Variants in RP1 observed in about 807,000 individuals in gnomAD.
RP1 encodes RP1 axonemal microtubule associated.
A neutral mutation model predicts 14.8 loss-of-function variants in RP1; 16 were observed. The ratio of observed to expected loss-of-function variants is 1.08; its 90% CI spans 0.73 to 1.65. The LOEUF (loss-of-function observed/expected upper bound fraction) is 1.65. Among genes scored for constraint, RP1 ranks in the 40% most tolerant of loss-of-function variants. The pLI, the probability that RP1 is intolerant of heterozygous loss-of-function variation, is 0.00. For missense variants in RP1, 2,631 were observed against 2,535.0 expected, an observed-to-expected ratio of 1.04 and a Z score of -0.81; for synonymous variants, 876 against 883.6, an observed-to-expected ratio of 0.99 and a Z score of 0.15.
intron 6 of RP1, among the ~76,000 whole-genome samples, chr8:54,661,484 AAAAAG>A (rs1055133578): frequency 1.3e-5 from 2 of 151,844 alleles, no homozygotes; most frequent in Non-Finnish European, 2.9e-5. Context: ...GTATTAAAAA[AAAAAG>A]AAATCTTTAG....
rs967963472 is a variant in RP1 at position 54,739,294 on chromosome 8, A to G, written c.2808+265A>G. ...TTATGATGGCGTGAAAGCGACATCT[A>G]TTCAATAAAAGCTGTAACCCATCAT... On this transcript the variant is annotated intron_variant, in intron 19 of 22. Coordinates refer to the RP1 transcript ENST00000636932. Among the ~76,000 whole-genome samples the G allele has an allele frequency of 2.0e-5, 3 of 152,172 alleles. No individual in the cohort carries two copies. The East Asian group carries it at 5.8e-4, about 29-fold the overall frequency.
At chr8:54,844,595 T>C (rs1247095986) in intron 25 of RP1, among the ~76,000 whole-genome samples, 1 of 152,144 alleles carries the variant, frequency 6.6e-6, no homozygotes, top group Non-Finnish European at 1.5e-5. Context: ...TGCCTCTGTG[T>C]GTGCGTATGT....
At position 54,621,266 on chromosome 8, in the gene RP1, C is replaced by T. The variant is rs1411740280; in HGVS notation, c.300C>T (p.Asp100=). 4.3e-6 allele frequency: 7 copies of T among 1,613,944 alleles called. No individual in the cohort carries two copies. Among genetic ancestry groups the T allele is most frequent in the Non-Finnish European group, 5.9e-6 (7 of 1,180,038 alleles). The change falls in exon 2 of 4, where the codon GAC becomes GAT. Residue 100 remains aspartate (D), a synonymous_variant. Coordinates refer to ENST00000220676, the MANE Select transcript of RP1 (RefSeq NM_006269.2). The part of the protein sequence containing the change: ...HSITRLEELE[D]GESYLCSHGR... ...TCACGCGCCTGGAGGAGCTGGAGGA[C>T]GGCGAGTCCTACCTATGTTCCCACG...
At chr8:54,792,525 G>A (rs1465865032) in intron 24 of RP1, among the ~76,000 whole-genome samples, 1 of 151,754 alleles carries the variant, frequency 6.6e-6, no homozygotes, top group Non-Finnish European at 1.5e-5. Flanking sequence ...CACTACAATA[G>A]TATGAAACTC....
chr8:54,762,967 C>T (rs891994094), intron 22 of RP1, among the ~76,000 whole-genome samples: 5 of 152,136 alleles, frequency 3.3e-5, no homozygotes, highest in African/African-American at 4.8e-5. Flanking sequence ...TTGGACTAGA[C>T]CCATCCTACT....
intron 24 of RP1, among the ~76,000 whole-genome samples, chr8:54,798,946 TATG>T: frequency 6.6e-6 from 1 of 152,132 alleles, no homozygotes; most frequent in Non-Finnish European, 1.5e-5. Flanking sequence ...TCTATAGAAC[TATG>T]ATAGCAAAAA....
intron 24 of RP1, among the ~76,000 whole-genome samples, chr8:54,820,610 T>C (rs1430993029): frequency 6.6e-6 from 1 of 152,130 alleles, no homozygotes; most frequent in African/African-American, 2.4e-5. Flanking sequence ...TCACTGTCCC[T>C]TCCCCAAGCA....
chr8:54,796,359 A>G (rs576690413), intron 24 of RP1, among the ~76,000 whole-genome samples: 5 of 152,330 alleles, frequency 3.3e-5, no homozygotes, highest in Non-Finnish European at 7.4e-5. Flanking sequence ...GCAAAGAGAC[A>G]AAAGTGTTTC....
chr8:54,810,582 A>G (rs1282014053), intron 24 of RP1, among the ~76,000 whole-genome samples: 5 of 152,142 alleles, frequency 3.3e-5, no homozygotes, highest in Non-Finnish European at 5.9e-5. Flanking sequence ...ACTGTTAACT[A>G]TTGTTCCCAA....
At chr8:54,790,423 G>A (rs928778819) in intron 24 of RP1, among the ~76,000 whole-genome samples, 1 of 152,094 alleles carries the variant, frequency 6.6e-6, no homozygotes, top group Non-Finnish European at 1.5e-5. Context: ...AAGAATATAA[G>A]GATCACAAAG....
intron 12 of RP1, among the ~76,000 whole-genome samples, chr8:54,684,099 T>C (rs906260349): frequency 2.0e-5 from 3 of 152,102 alleles, no homozygotes; most frequent in African/African-American, 7.2e-5. Context: ...GTTCTGTTTA[T>C]GTGATGAATT....
At chr8:54,583,086 A>G (rs888497198) in intron 1 of RP1, among the ~76,000 whole-genome samples, 8 of 152,182 alleles carry the variant, frequency 5.3e-5, no homozygotes, top group Admixed American at 2.6e-4. Flanking sequence ...CCAGTTTTCA[A>G]AGGGAATGCT....
chr8:54,858,081 G>A (rs1812247766), intron 27 of RP1, among the ~76,000 whole-genome samples: 1 of 152,048 alleles, frequency 6.6e-6, no homozygotes, highest in Non-Finnish European at 1.5e-5. Flanking sequence ...TGACAGTATA[G>A]TTTAATTAGT....
At chr8:54,772,794 T>C (rs956340203), downstream of RP1, among the ~76,000 whole-genome samples, 1 of 152,182 alleles carries the variant, frequency 6.6e-6, no homozygotes, top group South Asian at 2.1e-4. Context: ...TCACTAAAAA[T>C]GTGTGTGTGA....
At chr8:54,837,501 A>C in exon 25 of RP1, 2 of 1,231,778 alleles carry the variant, frequency 1.6e-6, no homozygotes, top group Non-Finnish European at 2.0e-6. Flanking sequence ...TGGACATGAC[A>C]ACACTGGAAA....
chr8:54,691,573 C>G (rs1807709850), intron 12 of RP1, among the ~76,000 whole-genome samples: 2 of 151,880 alleles, frequency 1.3e-5, no homozygotes, highest in Non-Finnish European at 2.9e-5. Flanking sequence ...TAGAATTTCT[C>G]AATTTATAGA....
chr8:54,648,293 C>T (rs757675482), intron 3 of RP1, among the ~76,000 whole-genome samples: 3 of 152,072 alleles, frequency 2.0e-5, no homozygotes, highest in African/African-American at 4.8e-5. Flanking sequence ...AAAATTAAAT[C>T]GAAATCCTAG....
chr8:54,857,158 C>G (rs981914678), intron 27 of RP1: 1 of 723,490 alleles, frequency 1.4e-6, no homozygotes. Flanking sequence ...TATGAAAAAT[C>G]GTATAAGAAG....
chr8:54,835,279 G>A (rs1218197315), intron 24 of RP1, among the ~76,000 whole-genome samples: 3 of 152,160 alleles, frequency 2.0e-5, no homozygotes, highest in Admixed American at 2.0e-4. Flanking sequence ...TATATTAGAA[G>A]CAATTTGGAA....
Sources: allele counts gnomAD v4.1 joint callset (sites outside exome capture counted in the v4.1 genomes callset), GRCh38; gene constraint gnomAD v4.1.1; transcripts MANE v1.5; gene names NCBI Gene and HGNC (gene_info 2026-07-23, HGNC 2026-07-21).